Variants in PMM1 observed in about 807,000 individuals in gnomAD.
PMM1 encodes the protein brain glucose-1,6-bisphosphatase.
In PMM1, 25 loss-of-function variants were observed where a neutral mutation model predicts 34.0. The ratio of observed to expected loss-of-function variants is 0.73; its 90% CI spans 0.54 to 1.03. PMM1 has a LOEUF of 1.03. PMM1 is among the 50% of genes least tolerant of loss of function. The probability of loss-of-function intolerance (pLI) is 0.00; values close to 1 mark genes in which losing one functional copy is unlikely to be tolerated. For missense variants in PMM1, 321 were observed against 350.1 expected (o/e 0.92, Z 0.66); for synonymous variants, 134 against 143.9 (o/e 0.93, Z 0.49).
chr22:41,585,832 A>G (rs1260545535), intron 2 of PMM1, among the ~76,000 whole-genome samples: 1 of 152,204 alleles, frequency 6.6e-6, no homozygotes, highest in Non-Finnish European at 1.5e-5. Flanking sequence ...AAGACTCAGC[A>G]GGGAGAAATG....
In PMM1 at chr22:41,584,344, AG is replaced by A. The variant is rs1569056195; in HGVS notation, c.310del (p.Leu104CysfsTer5). The A allele has an allele frequency of 6.2e-7, 1 of 1,614,150 alleles. No homozygotes were observed. The highest frequency in any genetic ancestry group is 2.2e-5 in the East Asian group (1 of 44,880). On this transcript the variant is annotated frameshift_variant, in exon 4 of 8. Transcript: ENST00000216259. LOFTEE classifies it high-confidence loss of function. ...QTIQNHLGEE[L>X]LQDLINFCLS... ...GCAGAAGTTGATCAAGTCCTGCAGC[AG>A]CTCCTCCCCCAGGTGGTTCTGGATG...
chr22:41,589,043 G>A, intron 1 of PMM1: 1 of 1,282,300 alleles, frequency 7.8e-7, no homozygotes, highest in South Asian at 1.2e-5. Flanking sequence ...AAGAAAACTA[G>A]ACTCTTACCC....
intron 2 of PMM1, chr22:41,585,257 T>C (rs1266817966): frequency 6.6e-6 from 1 of 152,086 alleles, no homozygotes; most frequent in Non-Finnish European, 1.5e-5. Flanking sequence ...CGAGGAAGTT[T>C]CTGGCTTGAG....
Position 41,578,830 on chromosome 22 carries a change from C to T in PMM1, c.526G>A (p.Gly176Ser). ...CCTCGAGAGAACCTCAGCCCTTTGCCAGCAAACTCTGTTTTCAGGGCTTCC... is the reference window on the plus strand; with the variant it reads ...CCTCGAGAGAACCTCAGCCCTTTGCTAGCAAACTCTGTTTTCAGGGCTTCC... ...FVEALKTEFAGKGLRFSRGGM... is the reference protein window; with the variant it reads ...FVEALKTEFASKGLRFSRGGM... The change falls in exon 6 of 8, where the codon GGC becomes AGC. Residue 176 changes from glycine (G) to serine (S), a missense_variant. Transcript: ENST00000216259. 1 of 1,614,028 alleles carries T rather than the reference C, an allele frequency of 6.2e-7. No individual in the cohort carries two copies. The highest frequency in any genetic ancestry group is 8.5e-7 in the Non-Finnish European group (1 of 1,179,978).
rs1036466465 is a variant in PMM1, at chr22:41,584,278, C to T, written c.374+3G>A. 2 of 1,613,694 alleles carry T rather than the reference C, an allele frequency of 1.2e-6. No homozygotes were observed. The highest frequency in any genetic ancestry group is 3.3e-5 in the Admixed American group (2 of 60,012). On this transcript the variant is annotated splice_donor_region_variant and intron_variant, in intron 4 of 7. Coordinates refer to ENST00000216259, the MANE Select transcript of PMM1 (RefSeq NM_002676.3). ...TCTGGAGACCAGGCTGGTGGGACCT[C>T]ACCGCTTCTTGGGCAGCCTGAGCAG...
intron 5 of PMM1, chr22:41,579,093 TG>T (rs1471276749): frequency 9.2e-6 from 5 of 543,732 alleles, no homozygotes; most frequent in Admixed American, 3.0e-5. Context: ...CCAGAAGGGA[TG>T]GGGCTGCCAA....
Position 41,589,728 on chromosome 22 carries a change from C to T in PMM1, c.78G>A (p.Pro26=), listed in dbSNP as rs758412327. 3.7e-6 allele frequency: 6 copies of T among 1,611,260 alleles called. No individual in the cohort carries two copies. In the Admixed American group the frequency reaches 6.7e-5, roughly 18 times the overall value. ...CLFDVDGTLT[P]ARQKIDPEVA... is the part of the protein sequence containing the mutation. ...ATCTTCAGGGTCCTACCTGGCGAGC[C>T]GGCGTGAGGGTCCCGTCCACGTCAA... The change falls in exon 1 of 8, where the codon CCG becomes CCA. Residue 26 remains proline (P), a synonymous_variant. Transcript: ENST00000216259.
At chr22:41,578,699 G>A in intron 6 of PMM1, 107 bp downstream of exon 6, 1 of 863,288 alleles carries the variant, frequency 1.2e-6, no homozygotes, top group Non-Finnish European at 1.9e-6. Context: ...GAGCCGGGGA[G>A]GGGCTACTAA....
chr22:41,586,387 C>T, intron 1 of PMM1, 194 bp from the exon 2 acceptor site: 1 of 957,018 alleles, frequency 1.0e-6, no homozygotes, highest in Non-Finnish European at 1.4e-6. Context: ...CTTTGCGAGG[C>T]CAAGGCAGAA....
At chr22:41,579,144 G>A (rs972435228) in intron 5 of PMM1, 8 of 468,564 alleles carry the variant, frequency 1.7e-5, no homozygotes, top group African/African-American at 1.2e-4. Flanking sequence ...GACCTCAGAG[G>A]AGAGACACGA....
In PMM1 at chr22:41,583,991, C is replaced by T. The variant is rs1266136839; in HGVS notation, c.442G>A (p.Glu148Lys). ...ISPIGRSCTL[E>K]ERIEFSELDK... is the part of the protein sequence containing the mutation. ...AGTTCGGAGAACTCGATCCTCTCCT[C>T]CAGGGTGCAGCTCCGGCCGATGGGC... Residue 148 changes from glutamate (E) to lysine (K), a missense_variant, in exon 5 of 8, where the codon GAG (glutamate) becomes AAG (lysine). By Grantham distance (56) the Glu-to-Lys change is moderately conservative (BLOSUM62 1). Transcript: ENST00000216259. The T allele has an allele frequency of 6.2e-7, 1 of 1,613,734 alleles. No individual in the cohort carries two copies. The highest frequency in any genetic ancestry group is 1.7e-5 in the Admixed American group (1 of 60,004).
intron 5 of PMM1, among the ~76,000 whole-genome samples, chr22:41,582,647 G>A (rs1326632809): frequency 6.6e-6 from 1 of 152,104 alleles, no homozygotes; most frequent in Non-Finnish European, 1.5e-5. Context: ...AGGGGAAGGA[G>A]GAGGAAGTGC....
intron 1 of PMM1, among the ~76,000 whole-genome samples, chr22:41,586,992 G>C (rs1480445304): frequency 1.3e-5 from 2 of 149,068 alleles, no homozygotes; most frequent in Non-Finnish European, 3.0e-5. Context: ...AATTGGCCAT[G>C]CGCGGTGGCT....
intron 1 of PMM1, among the ~76,000 whole-genome samples, chr22:41,587,354 C>T (rs1354776933): frequency 6.6e-6 from 1 of 151,370 alleles, no homozygotes. Flanking sequence ...GCAGGAGAAT[C>T]CCTTGAACCC....
chr22:41,588,100 G>T (rs1848365808), intron 1 of PMM1, among the ~76,000 whole-genome samples: 1 of 151,662 alleles, frequency 6.6e-6, no homozygotes, highest in African/African-American at 2.4e-5. Context: ...GCCCAGGCTG[G>T]AGTGCAATGG....
Position 41,577,298 on chromosome 22 carries a change from C to G in PMM1, c.*20G>C, listed in dbSNP as rs778411243. ...AGGCCAAACTCTTCAGAAGTCACGA[C>G]ACACAGATGTGGGCCCCGGTCACGC... On this transcript the variant is annotated 3_prime_UTR_variant, in exon 8 of 8. Transcript: ENST00000216259. The G allele has an allele frequency of 6.2e-7, 1 of 1,612,506 alleles. No homozygotes were observed. The highest frequency in any genetic ancestry group is 8.5e-7 in the Non-Finnish European group (1 of 1,179,984).
rs368505937 is a variant in PMM1, at chr22:41,577,526, C to T, written c.667-86G>A. 39 of 1,429,114 alleles carry T rather than the reference C, an allele frequency of 2.7e-5. No individual in the cohort carries two copies. The African/African-American group carries it at 4.4e-4, about 16-fold the overall frequency. The allele number at this position is 1,429,114 out of a possible 1,614,324, so 88.5% of individuals were successfully genotyped here. On this transcript the variant is annotated intron_variant, in intron 7 of 7. Coordinates refer to ENST00000216259, the MANE Select transcript of PMM1 (RefSeq NM_002676.3). ...GCTACGGACCTGCCCCTCCTCCTGC[C>T]CCTTCAGAACTGCCAGGAAGCCCAC... is the stretch of plus-strand genomic sequence containing the variant.
chr22:41,584,551 C>T lies in PMM1; in HGVS notation c.258G>A (p.Lys86=). ...VFAENGTVQY[K]HGRLLSKQTI... is the part of the protein sequence containing the mutation. Reference sequence around the variant, plus strand: ...CCTGCTTGGAGAGCAGTCGTCCGTGCTTATACTGCACCGTCCCGTTCTCGG... The same window carrying T: ...CCTGCTTGGAGAGCAGTCGTCCGTGTTTATACTGCACCGTCCCGTTCTCGG... Residue 86 remains lysine, a synonymous_variant, in exon 3 of 8, where the codon AAG becomes AAA. Transcript: ENST00000216259. 1 of 1,613,896 alleles carries T rather than the reference C, an allele frequency of 6.2e-7. No individual in the cohort carries two copies. The highest frequency in any genetic ancestry group is 1.1e-5 in the South Asian group (1 of 91,054).
chr22:41,585,587 G>A (rs1230719818), intron 2 of PMM1, among the ~76,000 whole-genome samples: 1 of 152,002 alleles, frequency 6.6e-6, no homozygotes, highest in Admixed American at 6.6e-5. Context: ...CGCCTCCCAG[G>A]TTCAAGCGAT....
Sources: allele counts gnomAD v4.1 joint callset (sites outside exome capture counted in the v4.1 genomes callset), GRCh38; gene constraint gnomAD v4.1.1; transcripts MANE v1.5; gene names NCBI Gene and HGNC (gene_info 2026-07-23, HGNC 2026-07-21).